DNAAF4: variants seen among roughly 807,000 people sequenced by gnomAD.
DNAAF4 encodes dynein assembly factor 4, axonemal.
In DNAAF4, 43 loss-of-function variants were observed where a neutral mutation model predicts 51.8. The ratio of observed to expected loss-of-function variants is 0.83; its 90% CI spans 0.65 to 1.07. The LOEUF (loss-of-function observed/expected upper bound fraction) is 1.07. Ranked by LOEUF, DNAAF4 falls within the 50% of genes least tolerant of loss-of-function variation. The pLI is 0.00. For synonymous variants in DNAAF4, 194 were observed against 165.6 expected, an observed-to-expected ratio of 1.17 and a Z score of -1.32; for missense variants, 581 against 493.0, an observed-to-expected ratio of 1.18 and a Z score of -1.69.
chr15:55,468,852 T>C (rs959545538), intron 4 of DNAAF4, among the ~76,000 whole-genome samples: 4 of 152,184 alleles, frequency 2.6e-5, no homozygotes, highest in Admixed American at 2.0e-4. Context: ...TGATAATTTA[T>C]AATAAGCTAT....
intron 5 of DNAAF4, among the ~76,000 whole-genome samples, chr15:55,455,616 G>A (rs1595913723): frequency 6.6e-6 from 1 of 151,982 alleles, no homozygotes; most frequent in East Asian, 1.9e-4. Flanking sequence ...ATTTTTAGTA[G>A]AGACAGGGTT....
At chr15:55,450,188 T>A (rs1567011682) in intron 6 of DNAAF4, 34 bp downstream of exon 6, 2 of 1,548,422 alleles carry the variant, frequency 1.3e-6, no homozygotes, top group Non-Finnish European at 1.7e-6. Context: ...GTATTTTCAT[T>A]TGTGGTAATT....
At chr15:55,494,021 T>G (rs1187982133) in intron 3 of DNAAF4, among the ~76,000 whole-genome samples, 1 of 151,546 alleles carries the variant, frequency 6.6e-6, no homozygotes, top group Non-Finnish European at 1.5e-5. Flanking sequence ...CTGAGTTTGA[T>G]TTCTTTCTTG....
At chr15:55,465,564 CTT>C (rs76254398) in intron 5 of DNAAF4, among the ~76,000 whole-genome samples, 22 of 131,544 alleles carry the variant, frequency 1.7e-4, no homozygotes, top group Admixed American at 2.3e-4. Flanking sequence ...TATGTTCTCA[CTT>C]TTTTTTTTTT....
In DNAAF4 at chr15:55,440,499, C is replaced by T. The variant is rs546044528; in HGVS notation, c.784-918G>A. Among the ~76,000 whole-genome samples the T allele has an allele frequency of 2.6e-5, 4 of 152,206 alleles. No individual in the cohort carries two copies. The South Asian group carries it at 6.2e-4, about 24-fold the overall frequency. On this transcript the variant is annotated intron_variant, in intron 6 of 9. Transcript: ENST00000321149. The stretch of plus-strand genomic sequence containing the variant: ...GTTCACACCATTCTCCTGCCTCAGC[C>T]TCCCAAGTAGCTGGGACTACAGGCA...
At chr15:55,457,223 G>A (rs1167431279) in intron 5 of DNAAF4, among the ~76,000 whole-genome samples, 4 of 152,144 alleles carry the variant, frequency 2.6e-5, no homozygotes, top group Non-Finnish European at 4.4e-5. Flanking sequence ...GGGTGGCATG[G>A]CCAGAGTGAG....
chr15:55,489,839 A>G (rs1343038583), intron 4 of DNAAF4, among the ~76,000 whole-genome samples: 1 of 151,684 alleles, frequency 6.6e-6, no homozygotes, highest in Non-Finnish European at 1.5e-5. Context: ...TTCCTTAGTC[A>G]CTGCAACATG....
At chr15:55,455,206 G>A (rs1191724374) in intron 5 of DNAAF4, among the ~76,000 whole-genome samples, 2 of 148,270 alleles carry the variant, frequency 1.3e-5, no homozygotes, top group African/African-American at 2.5e-5. Context: ...AAAACAACAG[G>A]TATTTCTCTT....
chr15:55,448,532 G>C (rs964738234), intron 6 of DNAAF4, among the ~76,000 whole-genome samples: 3 of 129,728 alleles, frequency 2.3e-5, no homozygotes, highest in Admixed American at 7.7e-5. Flanking sequence ...GTGTGTGTGT[G>C]TGTGTGTGTG....
intron 5 of DNAAF4, among the ~76,000 whole-genome samples, chr15:55,461,137 C>T (rs1057345236): frequency 6.6e-6 from 1 of 151,518 alleles, no homozygotes; most frequent in African/African-American, 2.4e-5. Flanking sequence ...GGTGCAGTCT[C>T]GGCTCACTGC....
intron 6 of DNAAF4, among the ~76,000 whole-genome samples, chr15:55,447,303 G>A (rs545225616): frequency 6.6e-6 from 1 of 151,348 alleles, no homozygotes; most frequent in African/African-American, 2.4e-5. Flanking sequence ...TGGGCGGCTG[G>A]GCAGAGGCAC....
chr15:55,500,095 A>C (rs2058687468), intron 1 of DNAAF4, among the ~76,000 whole-genome samples: 1 of 152,288 alleles, frequency 6.6e-6, no homozygotes, highest in East Asian at 1.9e-4. Context: ...GAAATCTGAA[A>C]GTATAATACA....
rs797009468 is a variant in DNAAF4 at position 55,504,298 on chromosome 15, C to T, written c.-256+3824G>A. ...GACACAAACAAATGGAAGACCATTC[C>T]ATGCTCATGGATAGGAAAAATCAAT... On this transcript the variant is annotated intron_variant, in intron 1 of 9. Coordinates refer to ENST00000321149, the MANE Select transcript of DNAAF4 (RefSeq NM_130810.4). Among the ~76,000 whole-genome samples, 17 of 152,304 alleles carry T rather than the reference C, an allele frequency of 1.1e-4. 1 individual carries two copies. The highest frequency in any genetic ancestry group is 4.1e-4 in the African/African-American group (17 of 41,560).
At chr15:55,478,799 C>T (rs1049701763) in intron 4 of DNAAF4, among the ~76,000 whole-genome samples, 1 of 152,178 alleles carries the variant, frequency 6.6e-6, no homozygotes, top group Non-Finnish European at 1.5e-5. Flanking sequence ...TGCATCCCCT[C>T]AAAAACCCAT....
In DNAAF4 at chr15:55,498,137, C is replaced by T. The variant is rs77412484; in HGVS notation, c.123+70G>A. The T allele has an allele frequency of 4.4e-3, 7,086 of 1,606,532 alleles. 102 individuals carry two copies. Among genetic ancestry groups the T allele is most frequent in the African/African-American group, 0.037 (2,774 of 74,516 alleles). ...GGCAAAGATGAGCCTGTTGCTCGTG[C>T]CCAGCTGCGCTCTTGCAGAAGCTTC... On this transcript the variant is annotated intron_variant, in intron 2 of 9. Coordinates refer to ENST00000321149, the MANE Select transcript of DNAAF4 (RefSeq NM_130810.4).
chr15:55,437,956 G>T (rs1443045877), intron 7 of DNAAF4, among the ~76,000 whole-genome samples: 1 of 152,090 alleles, frequency 6.6e-6, no homozygotes, highest in Admixed American at 6.6e-5. Context: ...TAAGTAATAG[G>T]AAAATAAACA....
At chr15:55,491,800 TATA>T (rs977568041) in intron 3 of DNAAF4, among the ~76,000 whole-genome samples, 8 of 142,946 alleles carry the variant, frequency 5.6e-5, no homozygotes, top group African/African-American at 1.3e-4. Context: ...TATATTTATA[TATA>T]ATATTTTATA....
At chr15:55,425,900 A>C (rs1359791460), downstream of DNAAF4, among the ~76,000 whole-genome samples, 1 of 152,170 alleles carries the variant, frequency 6.6e-6, no homozygotes, top group Non-Finnish European at 1.5e-5. Flanking sequence ...TGCTGCCTAG[A>C]CAGAGCCAAT....
intron 4 of DNAAF4, among the ~76,000 whole-genome samples, chr15:55,470,425 C>T (rs955052146): frequency 6.6e-6 from 1 of 152,008 alleles, no homozygotes; most frequent in Non-Finnish European, 1.5e-5. Context: ...GGAAAGATAC[C>T]GGGGAAGGAG....
Sources: gnomAD v4.1 joint callset for allele counts (sites outside exome capture counted in the v4.1 genomes callset) on GRCh38, gnomAD v4.1.1 for gene constraint, MANE v1.5 for transcripts, NCBI Gene and HGNC (gene_info 2026-07-23, HGNC 2026-07-21) for gene names.